The following PTPRG variants were observed in gnomAD, a reference collection of about 807,000 sequenced individuals.
PTPRG encodes protein tyrosine phosphatase receptor type G, also known as receptor-type tyrosine-protein phosphatase gamma.
PTPRG carries 102 observed loss-of-function variants against 165.3 expected under a neutral mutation model. That is an observed-to-expected ratio of 0.62 (90% CI 0.53 to 0.73). The LOEUF (loss-of-function observed/expected upper bound fraction) is 0.73. Ranked by LOEUF, PTPRG falls within the 30% of genes least tolerant of loss-of-function variation. PTPRG has a pLI of 0.00. For missense variants in PTPRG, 1,866 were observed against 1,861.4 expected (o/e 1.00, Z -0.05); for synonymous variants, 675 against 669.5 (o/e 1.01, Z -0.13).
intron 1 of PTPRG, among the ~76,000 whole-genome samples, chr3:61,646,901 G>T (rs1354465086): frequency 6.6e-6 from 1 of 152,160 alleles, no homozygotes; most frequent in Non-Finnish European, 1.5e-5. Flanking sequence ...GTGCTGGCTT[G>T]CTTTACTCAG....
intron 2 of PTPRG, among the ~76,000 whole-genome samples, chr3:61,837,795 G>A (rs2036513994): frequency 6.6e-6 from 1 of 152,222 alleles, no homozygotes; most frequent in Non-Finnish European, 1.5e-5. Flanking sequence ...TGACTTAACA[G>A]AAATTTGCTT....
intron 16 of PTPRG, chr3:62,261,998 A>G (rs1293899474): frequency 1.3e-5 from 2 of 152,194 alleles, no homozygotes; most frequent in East Asian, 3.8e-4. Flanking sequence ...GCAGCTGTGT[A>G]CTGCTAATGA....
chr3:62,075,610 T>A (rs1340782420), intron 4 of PTPRG, among the ~76,000 whole-genome samples: 1 of 152,230 alleles, frequency 6.6e-6, no homozygotes, highest in Admixed American at 6.5e-5. Context: ...ATCAGAATTT[T>A]CCTAGGAAGT....
At chr3:62,153,990 G>A (rs1034398260) in intron 6 of PTPRG, among the ~76,000 whole-genome samples, 5 of 152,246 alleles carry the variant, frequency 3.3e-5, no homozygotes, top group Non-Finnish European at 7.3e-5. Context: ...TCCCATGTGA[G>A]TCTCTGTATT....
At chr3:61,737,914 GT>G (rs376023066) in intron 1 of PTPRG, among the ~76,000 whole-genome samples, 7 of 144,468 alleles carry the variant, frequency 4.8e-5, no homozygotes, top group Non-Finnish European at 7.5e-5. Context: ...AGGTTTTTTT[GT>G]TTTTTTTTTT....
intron 1 of PTPRG, among the ~76,000 whole-genome samples, chr3:61,686,804 G>T (rs1703646108): frequency 6.6e-6 from 1 of 152,104 alleles, no homozygotes; most frequent in South Asian, 2.1e-4. Context: ...TTAATCAGGT[G>T]GGGGAAAAGC....
chr3:61,913,564 A>T (rs865800635), intron 2 of PTPRG, among the ~76,000 whole-genome samples: 49 of 152,174 alleles, frequency 3.2e-4, no homozygotes, highest in Admixed American at 3.0e-3. Flanking sequence ...CTACGAGTGC[A>T]TATGTATGTG....
In PTPRG at chr3:61,595,673, A is replaced by G. The variant is rs556302262; in HGVS notation, c.85+33301A>G. On this transcript the variant is annotated intron_variant, in intron 1 of 29. Coordinates refer to ENST00000474889, the MANE Select transcript of PTPRG (RefSeq NM_002841.4). ...ACTTGACACAGCATCTGTCAAGCTC[A>G]GTGGGACTGTCTAATATTCACATGT... Among the ~76,000 whole-genome samples the G allele has an allele frequency of 3.4e-4, 52 of 152,364 alleles. 1 individual carries two copies. In the South Asian group the frequency reaches 5.2e-3, roughly 15 times the overall value.
At chr3:61,839,829 C>A (rs72880489) in intron 2 of PTPRG, among the ~76,000 whole-genome samples, 1 of 152,130 alleles carries the variant, frequency 6.6e-6, no homozygotes, top group South Asian at 2.1e-4. Context: ...ACTCTCACCC[C>A]CTTCCCCCTC....
At chr3:61,853,410 T>A (rs547193368) in intron 2 of PTPRG, among the ~76,000 whole-genome samples, 1 of 152,198 alleles carries the variant, frequency 6.6e-6, no homozygotes, top group Non-Finnish European at 1.5e-5. Flanking sequence ...ATTGATTGTT[T>A]CCTTTGGAAC....
chr3:62,132,785 T>C lies in PTPRG; in HGVS notation c.682+117T>C. The stretch of plus-strand genomic sequence containing the variant: ...GTGACACCTATTCCTCATCCCCTGA[T>C]GTTGAAGGGCATTAGAGCCATTATA... On this transcript the variant is annotated intron_variant, in intron 6 of 29. Coordinates refer to ENST00000474889, the MANE Select transcript of PTPRG (RefSeq NM_002841.4). 3.2e-6 allele frequency: 3 copies of C among 929,592 alleles called. No homozygotes were observed. In the Admixed American group the frequency reaches 5.2e-5, roughly 16 times the overall value. The allele number at this position is 929,592 out of a possible 1,614,324, so 57.6% of individuals were successfully genotyped here. A position where few individuals can be genotyped will look rare whatever the true frequency, so the allele number is the denominator to read the frequency against.
intron 2 of PTPRG, among the ~76,000 whole-genome samples, chr3:61,833,849 G>A (rs769301407): frequency 6.6e-6 from 1 of 152,170 alleles, no homozygotes; most frequent in Non-Finnish European, 1.5e-5. Flanking sequence ...ACAGGCGTGA[G>A]CCACCGCGCC....
chr3:61,851,930 G>A (rs1397264032), intron 2 of PTPRG, among the ~76,000 whole-genome samples: 4 of 152,066 alleles, frequency 2.6e-5, no homozygotes, highest in Non-Finnish European at 2.9e-5. Flanking sequence ...TATGATTATA[G>A]CTATCTAGAT....
Position 62,203,438 on chromosome 3 carries a change from C to T in PTPRG, c.1643C>T (p.Ala548Val), listed in dbSNP as rs775496767. The T allele has an allele frequency of 1.1e-5, 18 of 1,598,760 alleles. No homozygotes were observed. The highest frequency in any genetic ancestry group is 5.2e-5 in the Admixed American group (3 of 57,712). Reference sequence around the variant, plus strand: ...ACGGCCGCCTCAGCCAGCAAGCAGGCGGCTAGGCCAGTCCTAGCCACCACA... The same window carrying T: ...ACGGCCGCCTCAGCCAGCAAGCAGGTGGCTAGGCCAGTCCTAGCCACCACA... ...LPTAASASKQ[A>V]ARPVLATTEA... The change falls in exon 12 of 30, where the codon GCG becomes GTG. Residue 548 changes from alanine to valine, a missense_variant. Ala to Val is a moderately conservative substitution (Grantham distance 64). Coordinates refer to ENST00000474889, the MANE Select transcript of PTPRG (RefSeq NM_002841.4). This position sits in a 1 kb window ranked among gnomAD's most constrained non-coding sequence, Gnocchi z 6.4.
intron 5 of PTPRG, among the ~76,000 whole-genome samples, chr3:62,102,160 C>G (rs1480672645): frequency 6.6e-6 from 1 of 152,174 alleles, no homozygotes; most frequent in Non-Finnish European, 1.5e-5. Flanking sequence ...TGTTTCTTAT[C>G]CATTTTTGCA....
At chr3:61,970,900 T>C (rs2040366587) in intron 2 of PTPRG, among the ~76,000 whole-genome samples, 1 of 152,122 alleles carries the variant, frequency 6.6e-6, no homozygotes, top group Non-Finnish European at 1.5e-5. Context: ...AGTGAGTCCA[T>C]ATATGGAAAG....
At chr3:61,644,455 G>C (rs1469920008) in intron 1 of PTPRG, among the ~76,000 whole-genome samples, 1 of 152,164 alleles carries the variant, frequency 6.6e-6, no homozygotes, top group East Asian at 1.9e-4. Flanking sequence ...GAATTCAGAA[G>C]TGATTCTGAA....
At chr3:61,809,290 T>C (rs1050030751) in intron 2 of PTPRG, among the ~76,000 whole-genome samples, 2 of 151,986 alleles carry the variant, frequency 1.3e-5, no homozygotes, top group Admixed American at 1.3e-4. Flanking sequence ...TAGGAAGGAT[T>C]AAAAGAAGAA....
intron 2 of PTPRG, among the ~76,000 whole-genome samples, chr3:61,907,708 T>C (rs1312400498): frequency 6.6e-6 from 1 of 152,196 alleles, no homozygotes; most frequent in African/African-American, 2.4e-5. Context: ...TTGGTTGCTT[T>C]GATCTTATCT....
Sources: allele counts gnomAD v4.1 joint callset (sites outside exome capture counted in the v4.1 genomes callset), GRCh38; gene constraint gnomAD v4.1.1; non-coding constraint Gnocchi (gnomAD v3.1); transcripts MANE v1.5; gene names NCBI Gene and HGNC (gene_info 2026-07-23, HGNC 2026-07-21).